Variants in GRIK1 observed in about 807,000 individuals in gnomAD.
The protein encoded by GRIK1 is glutamate receptor ionotropic, kainate 1.
Under a neutral mutation model 105.7 loss-of-function variants are expected in GRIK1, and 69 were observed. The observed-to-expected ratio is 0.65, with a 90% confidence interval of 0.54 to 0.80. The LOEUF is 0.80. Ranked by LOEUF, GRIK1 falls within the 30% of genes least tolerant of loss-of-function variation. The pLI is 0.00. For missense variants in GRIK1, 1,109 were observed against 1,167.3 expected, an observed-to-expected ratio of 0.95 and a Z score of 0.73; for synonymous variants, 438 against 431.3, an observed-to-expected ratio of 1.02 and a Z score of -0.19.
chr21:29,820,205 C>G (rs1357429536), intron 1 of GRIK1, among the ~76,000 whole-genome samples: 1 of 152,090 alleles, frequency 6.6e-6, no homozygotes, highest in Non-Finnish European at 1.5e-5. Flanking sequence ...GAAAAAGTGT[C>G]TACTCTCACT....
chr21:29,852,958 G>C (rs1029705966), intron 1 of GRIK1, among the ~76,000 whole-genome samples: 1 of 152,070 alleles, frequency 6.6e-6, no homozygotes, highest in African/African-American at 2.4e-5. Flanking sequence ...AATTCATTCT[G>C]ATCTTATATC....
chr21:29,796,703 C>G, intron 1 of GRIK1, among the ~76,000 whole-genome samples: 1 of 152,090 alleles, frequency 6.6e-6, no homozygotes, highest in Non-Finnish European at 1.5e-5. Flanking sequence ...AATCCCAGCA[C>G]TTTGGGAGGC....
chr21:29,662,975 A>G (rs1282199763), intron 4 of GRIK1, among the ~76,000 whole-genome samples: 1 of 152,158 alleles, frequency 6.6e-6, no homozygotes, highest in African/African-American at 2.4e-5. Flanking sequence ...ATATTAACCA[A>G]GCTCATATTT....
intron 1 of GRIK1, among the ~76,000 whole-genome samples, chr21:29,848,044 G>C (rs2068180553): frequency 7.0e-6 from 1 of 142,738 alleles, no homozygotes; most frequent in African/African-American, 2.5e-5. Flanking sequence ...AGGGTTAAAC[G>C]TAAGTTATTA....
intron 1 of GRIK1, among the ~76,000 whole-genome samples, chr21:29,864,372 C>T (rs1020785078): frequency 3.3e-5 from 5 of 152,086 alleles, no homozygotes; most frequent in African/African-American, 9.7e-5. Context: ...ATTTCTTCTA[C>T]CCTACTTTCT....
intron 1 of GRIK1, among the ~76,000 whole-genome samples, chr21:29,814,456 G>A (rs1219499667): frequency 6.6e-6 from 1 of 151,944 alleles, no homozygotes; most frequent in Admixed American, 6.6e-5. Flanking sequence ...CTGTTCCCAC[G>A]AGCCAGGAGT....
chr21:29,691,775 C>G (rs532679570), intron 2 of GRIK1, among the ~76,000 whole-genome samples: 1 of 152,142 alleles, frequency 6.6e-6, no homozygotes, highest in East Asian at 1.9e-4. Flanking sequence ...AGTTACCTGA[C>G]TTAATTCAGA....
intron 1 of GRIK1, among the ~76,000 whole-genome samples, chr21:29,738,574 C>T (rs1317588319): frequency 1.3e-5 from 2 of 152,174 alleles, no homozygotes; most frequent in African/African-American, 4.8e-5. Flanking sequence ...TGTATGGAAA[C>T]AATAAATGAT....
intron 7 of GRIK1, among the ~76,000 whole-genome samples, chr21:29,618,487 G>A (rs2061903289): frequency 6.6e-6 from 1 of 152,150 alleles, no homozygotes; most frequent in Non-Finnish European, 1.5e-5. Context: ...ACTACCACTT[G>A]ATCCAGCAAG....
chr21:29,622,986 T>C (rs986229913), intron 7 of GRIK1, among the ~76,000 whole-genome samples: 6 of 152,190 alleles, frequency 3.9e-5, no homozygotes, highest in Non-Finnish European at 8.8e-5. Flanking sequence ...AGAAGGAGGA[T>C]GATGGAAGGT....
chr21:29,936,256 CACAAAT>C (rs2071750417), intron 1 of GRIK1, among the ~76,000 whole-genome samples: 1 of 152,282 alleles, frequency 6.6e-6, no homozygotes, highest in African/African-American at 2.4e-5. Context: ...AGATGATGCA[CACAAAT>C]ATATTATCTG....
chr21:29,790,448 T>C (rs910197625), intron 1 of GRIK1, among the ~76,000 whole-genome samples: 1 of 151,488 alleles, frequency 6.6e-6, no homozygotes, highest in Non-Finnish European at 1.5e-5. Flanking sequence ...AGTTTCGTAG[T>C]TTCTTTCTTT....
chr21:29,611,454 A>T lies in GRIK1; in HGVS notation c.1099-12517T>A, dbSNP rs563923363. On this transcript the variant is annotated intron_variant, in intron 7 of 17. Transcript: ENST00000327783. ...GATTTACCATCCAGATGGTTCCTTC[A>T]TTAAGGAGTTAAGTGTATTTTTGGC... Among the ~76,000 whole-genome samples the T allele has an allele frequency of 1.5e-3, 222 of 152,264 alleles. 1 individual carries two copies. Among genetic ancestry groups the T allele is most frequent in the African/African-American group, 5.1e-3 (213 of 41,562 alleles).
At chr21:29,651,870 A>G (rs977422751) in intron 5 of GRIK1, among the ~76,000 whole-genome samples, 1 of 151,990 alleles carries the variant, frequency 6.6e-6, no homozygotes, top group Non-Finnish European at 1.5e-5. Flanking sequence ...ATAGATTAAA[A>G]CAAAATGGCA....
At chr21:29,867,797 G>GAAGAAAGAAAGAAAGAAAGA (rs548130429) in intron 1 of GRIK1, among the ~76,000 whole-genome samples, 12 of 137,218 alleles carry the variant, frequency 8.7e-5, no homozygotes, top group African/African-American at 3.4e-4. Context: ...TATGTCGAAA[G>GAAGAAAGAAAGAAAGAAAGA]AAGAAAGAAA....
At chr21:29,859,016 C>G (rs3015828) in intron 1 of GRIK1, among the ~76,000 whole-genome samples, 50,177 of 149,986 alleles carry the variant, frequency 0.33, 9,373 homozygotes, top group African/African-American at 0.5. Context: ...TATACACCAT[C>G]GAATACTATG....
At chr21:29,750,689 A>G (rs895545594) in intron 1 of GRIK1, among the ~76,000 whole-genome samples, 7 of 152,174 alleles carry the variant, frequency 4.6e-5, no homozygotes, top group African/African-American at 1.7e-4. Context: ...GAGAAGCAAA[A>G]TTTGGAGACC....
intron 16 of GRIK1, among the ~76,000 whole-genome samples, chr21:29,546,457 T>G (rs2090052464): frequency 6.6e-6 from 1 of 152,220 alleles, no homozygotes; most frequent in Non-Finnish European, 1.5e-5. Context: ...GGATTCCCTT[T>G]TAATTTTTCT....
chr21:29,730,559 G>GCTATGGGAT (rs1238052782), intron 1 of GRIK1, among the ~76,000 whole-genome samples: 1 of 152,166 alleles, frequency 6.6e-6, no homozygotes, highest in African/African-American at 2.4e-5. Context: ...CACAGATATA[G>GCTATGGGAT]CTATGGGATG....
Sources: gnomAD v4.1 joint callset for allele counts (sites outside exome capture counted in the v4.1 genomes callset) on GRCh38, gnomAD v4.1.1 for gene constraint, MANE v1.5 for transcripts, NCBI Gene and HGNC (gene_info 2026-07-23, HGNC 2026-07-21) for gene names.